Variants in SLC2A7 observed in about 807,000 individuals in gnomAD.
SLC2A7 encodes solute carrier family 2 member 7.
A neutral mutation model predicts 50.5 loss-of-function variants in SLC2A7; 50 were observed. The ratio of observed to expected loss-of-function variants is 0.99; its 90% confidence interval spans 0.79 to 1.25. SLC2A7 has a LOEUF of 1.25. Among genes scored for constraint, SLC2A7 ranks in the 50% most tolerant of loss-of-function variants. The pLI, the probability that SLC2A7 is intolerant of heterozygous loss-of-function variation, is 0.00. For missense variants in SLC2A7, 683 were observed against 679.1 expected, an observed-to-expected ratio of 1.01 and a Z score of -0.06; for synonymous variants, 308 against 300.4, an observed-to-expected ratio of 1.03 and a Z score of -0.26.
chr1:9,025,703 T>A (rs1304104915), intron 1 of SLC2A7, among the ~76,000 whole-genome samples: 2 of 152,218 alleles, frequency 1.3e-5, no homozygotes, highest in East Asian at 1.9e-4. Context: ...GGCAGTCGCC[T>A]GTGCTCAGGG....
chr1:9,007,803 G>A (rs1159075043), intron 9 of SLC2A7, among the ~76,000 whole-genome samples: 2 of 150,800 alleles, frequency 1.3e-5, no homozygotes, highest in East Asian at 2.0e-4. Context: ...CAGTGGCACA[G>A]TCTTGGCTCA....
chr1:9,018,199 G>A (rs1167808503), intron 5 of SLC2A7, 24 bp downstream of exon 5: 4 of 1,613,778 alleles, frequency 2.5e-6, no homozygotes, highest in South Asian at 2.2e-5. Flanking sequence ...TGGACCTAGC[G>A]TGACCTCTGC....
At chr1:9,019,024 G>T (rs1640872374) in intron 4 of SLC2A7, among the ~76,000 whole-genome samples, 185 bp downstream of exon 4, 1 of 152,034 alleles carries the variant, frequency 6.6e-6, no homozygotes, top group South Asian at 2.1e-4. Context: ...TCTAAAAAAA[G>T]ATTAACTAAT....
chr1:8,993,923 G>A, the SLC2A7 span, among the ~76,000 whole-genome samples: 1 of 152,140 alleles, frequency 6.6e-6, no homozygotes, highest in South Asian at 2.1e-4. Flanking sequence ...CACAGCGCCT[G>A]GCCACCCAGA....
intron 5 of SLC2A7, among the ~76,000 whole-genome samples, chr1:9,016,683 G>C (rs1640835699): frequency 6.6e-6 from 1 of 150,882 alleles, no homozygotes; most frequent in African/African-American, 2.4e-5. Flanking sequence ...AAAGGAGAGA[G>C]GAAGGAAGGA....
At chr1:9,009,858 C>T (rs1160512797) in intron 9 of SLC2A7, among the ~76,000 whole-genome samples, 4 of 152,232 alleles carry the variant, frequency 2.6e-5, no homozygotes, top group South Asian at 4.1e-4. Flanking sequence ...CTTGCATTTA[C>T]GCATTGAAGC....
chr1:9,003,715 G>A (rs1342512953), intron 11 of SLC2A7, among the ~76,000 whole-genome samples, 197 bp from the exon 12 acceptor site: 1 of 152,104 alleles, frequency 6.6e-6, no homozygotes, highest in African/African-American at 2.4e-5. Context: ...AAAATTAGCT[G>A]AGCATGGTGG....
chr1:9,007,319 T>G lies in SLC2A7; in HGVS notation c.1183A>C (p.Ile395Leu), dbSNP rs576820002. 6.2e-7 allele frequency: 1 copy of G among 1,614,156 alleles called. No homozygotes were observed. Among genetic ancestry groups the G allele is most frequent in the East Asian group, 2.2e-5 (1 of 44,886 alleles). Residue 395 changes from isoleucine (I) to leucine (L), a missense_variant, in exon 10 of 12, where the codon ATT becomes CTT. Physicochemically the swap from Ile to Leu is conservative, Grantham distance 5. Coordinates refer to ENST00000400906, the MANE Select transcript of SLC2A7 (RefSeq NM_207420.3). ...CVFAYIAGHS[I>L]GPSPVPSVVR... ...GCGTGCAGGTACTCACTGGGCCCAA[T>G]GGAATGTCCCGCGATGTAGGCAAAG...
chr1:9,011,658 C>T (rs76143934), intron 8 of SLC2A7, among the ~76,000 whole-genome samples: 4,949 of 151,922 alleles, frequency 0.033, 185 homozygotes, highest in African/African-American at 0.081. Context: ...TCAGCCAGCT[C>T]CTTCTCCAAC....
At chr1:9,005,766 A>T (rs1640644959) in intron 10 of SLC2A7, among the ~76,000 whole-genome samples, 4 of 142,398 alleles carry the variant, frequency 2.8e-5, no homozygotes, top group Admixed American at 2.2e-4. Context: ...TGGGCAACAG[A>T]GTGAGACTCC....
In SLC2A7 at chr1:9,007,436, G is replaced by A. The variant is rs114421894; in HGVS notation, c.1117-51C>T. The A allele has an allele frequency of 2.1e-3, 3,294 of 1,561,206 alleles. 62 individuals are homozygous for A. In the African/African-American group the frequency reaches 0.04, roughly 19 times the overall value. On this transcript the variant is annotated intron_variant, in intron 9 of 11. Transcript: ENST00000400906. ...GGCTGAGGCCAGGAGCCCCACGTGC[G>A]GGGGGGTCCACCTGCGGGTCCCACC...
chr1:9,025,193 G>T, intron 1 of SLC2A7, 119 bp from the exon 2 acceptor site: 2 of 1,033,118 alleles, frequency 1.9e-6, no homozygotes, highest in South Asian at 1.4e-5. Flanking sequence ...ATCCCAGGCC[G>T]TGCCCCCGGA....
Position 9,017,068 on chromosome 1 carries a change from A to G in SLC2A7, c.589+1155T>C, listed in dbSNP as rs371669857. On this transcript the variant is annotated intron_variant, in intron 5 of 11. Transcript: ENST00000400906. ...AACCAGTTCCATAAAACCTAAAAAT[A>G]TTCTAGGTAAAAACTGGCCATACGG... Among the ~76,000 whole-genome samples, 68 of 152,302 alleles carry G rather than the reference A, an allele frequency of 4.5e-4. 1 individual carries two copies. In the East Asian group the frequency reaches 0.01, roughly 23 times the overall value.
chr1:8,995,926 C>G, the SLC2A7 span, among the ~76,000 whole-genome samples: 3 of 152,052 alleles, frequency 2.0e-5, no homozygotes, highest in Admixed American at 1.3e-4. Context: ...TGCTATGACA[C>G]TCTCCCAATT....
intron 8 of SLC2A7, among the ~76,000 whole-genome samples, chr1:9,012,401 A>G (rs1640762008): frequency 6.6e-6 from 1 of 152,170 alleles, no homozygotes; most frequent in African/African-American, 2.4e-5. Flanking sequence ...ATCCTGCCCC[A>G]GGGGAAAACT....
At chr1:9,007,855 G>A (rs1256606885) in intron 9 of SLC2A7, among the ~76,000 whole-genome samples, 1 of 151,374 alleles carries the variant, frequency 6.6e-6, no homozygotes, top group Non-Finnish European at 1.5e-5. Flanking sequence ...CCCTGCCTCC[G>A]CCTCCTGTAG....
chr1:9,019,493 T>C (rs556149123), intron 3 of SLC2A7, among the ~76,000 whole-genome samples, 160 bp from the exon 4 acceptor site: 1 of 152,186 alleles, frequency 6.6e-6, no homozygotes, highest in Non-Finnish European at 1.5e-5. Flanking sequence ...GTCCCCCAAA[T>C]TCCTATGTTG....
chr1:9,014,967 C>G (rs2124253596), intron 6 of SLC2A7, 99 bp from the exon 7 acceptor site: 1 of 1,504,404 alleles, frequency 6.6e-7, no homozygotes, highest in East Asian at 2.4e-5. Context: ...CTGACCTGAC[C>G]TTGGTTGTGC....
downstream of SLC2A7, among the ~76,000 whole-genome samples, chr1:9,002,416 A>T (rs1316273152): frequency 6.6e-6 from 1 of 152,196 alleles, no homozygotes; most frequent in Non-Finnish European, 1.5e-5. Context: ...GAGGTGAGAC[A>T]TGCTGGCGGC....
Sources: allele counts gnomAD v4.1 joint callset (sites outside exome capture counted in the v4.1 genomes callset), GRCh38; gene constraint gnomAD v4.1.1; transcripts MANE v1.5; gene names NCBI Gene and HGNC (gene_info 2026-07-23, HGNC 2026-07-21).